The following CSMD1 variants were observed in gnomAD, a reference collection of about 807,000 sequenced individuals.
CSMD1 encodes CUB and Sushi multiple domains 1.
In CSMD1, 213 loss-of-function variants were observed where a neutral mutation model predicts 417.5. The ratio of observed to expected loss-of-function variants is 0.51; its 90% CI spans 0.46 to 0.57. CSMD1 has a LOEUF of 0.57. Ranked by LOEUF, CSMD1 falls within the 20% of genes least tolerant of loss-of-function variation. The pLI is 0.00. For synonymous variants in CSMD1, 2,862 were observed against 1,736.8 expected (o/e 1.65, Z -16.11); for missense variants, 6,923 against 4,529.7 (o/e 1.53, Z -15.17).
intron 5 of CSMD1, among the ~76,000 whole-genome samples, chr8:3,810,170 G>T (rs535860239): frequency 6.6e-6 from 1 of 152,278 alleles, no homozygotes; most frequent in Non-Finnish European, 1.5e-5. Context: ...CAGGCATATA[G>T]CAGGTGCTCC....
In CSMD1 at chr8:3,806,880, G is replaced by C. The variant is rs537442845; in HGVS notation, c.819-52838C>G. Among the ~76,000 whole-genome samples the C allele has an allele frequency of 3.7e-4, 57 of 152,250 alleles. 1 individual carries two copies. In the South Asian group the frequency reaches 0.011, roughly 28 times the overall value. On this transcript the variant is annotated intron_variant, in intron 5 of 69. Coordinates refer to ENST00000635120, the MANE Select transcript of CSMD1 (RefSeq NM_033225.6). ...GTAATCTAGTAACCAATTAACAGTA[G>C]TTAGAGACTTAATATAATTTAATCC...
intron 4 of CSMD1, among the ~76,000 whole-genome samples, chr8:4,018,533 G>A (rs1425924420): frequency 3.3e-5 from 5 of 152,064 alleles, no homozygotes; most frequent in Non-Finnish European, 7.3e-5. Context: ...CCTCTCTCTG[G>A]GACCAGCCAG....
At chr8:3,144,106 T>G (rs1179036853) in intron 40 of CSMD1, among the ~76,000 whole-genome samples, 2 of 152,210 alleles carry the variant, frequency 1.3e-5, no homozygotes, top group East Asian at 3.9e-4. Context: ...GGGGTCCGAT[T>G]TGCCAACCAA....
At chr8:3,713,080 C>T (rs6988921) in intron 6 of CSMD1, among the ~76,000 whole-genome samples, 50,016 of 151,818 alleles carry the variant, frequency 0.33, 8,370 homozygotes, top group East Asian at 0.5. Context: ...ATAAATATGA[C>T]GAATCTCTTT....
chr8:3,682,007 G>T (rs187132790), intron 7 of CSMD1, among the ~76,000 whole-genome samples: 3,847 of 152,232 alleles, frequency 0.025, 178 homozygotes, highest in African/African-American at 0.087. Context: ...GGTGAAACTG[G>T]ATCCCTTCCT....
chr8:4,261,889 T>C (rs569774016), intron 3 of CSMD1, among the ~76,000 whole-genome samples: 2 of 152,286 alleles, frequency 1.3e-5, no homozygotes, highest in African/African-American at 2.4e-5. Flanking sequence ...TGTTAAAAAG[T>C]AGATGTGGAA....
At position 4,013,857 on chromosome 8, in the gene CSMD1, G is replaced by A. The variant is rs1049077990; in HGVS notation, c.611-15747C>T. 4.0e-4 allele frequency among the ~76,000 whole-genome samples: 61 copies of A among 152,206 alleles called. 1 individual carries two copies. The highest frequency in any genetic ancestry group is 1.4e-3 in the African/African-American group (58 of 41,504). On this transcript the variant is annotated intron_variant, in intron 4 of 69. Coordinates refer to ENST00000635120, the MANE Select transcript of CSMD1 (RefSeq NM_033225.6). The stretch of plus-strand genomic sequence containing the variant: ...CTTTTGATCTACAGTGACAGACAAG[G>A]GTAGCTAAAACAGAGATCATATGAC...
At chr8:3,652,877 A>C (rs1311938331) in intron 7 of CSMD1, among the ~76,000 whole-genome samples, 1 of 152,232 alleles carries the variant, frequency 6.6e-6, no homozygotes, top group Non-Finnish European at 1.5e-5. Context: ...GCACACAGTC[A>C]GCACTCAATA....
At chr8:3,828,286 T>C (rs900469702) in intron 5 of CSMD1, among the ~76,000 whole-genome samples, 4 of 152,170 alleles carry the variant, frequency 2.6e-5, no homozygotes, top group Admixed American at 6.5e-5. Flanking sequence ...CCGAACATGC[T>C]TATTTTCAGT....
chr8:4,379,635 A>G (rs1802974575), intron 3 of CSMD1, among the ~76,000 whole-genome samples: 1 of 152,248 alleles, frequency 6.6e-6, no homozygotes, highest in Non-Finnish European at 1.5e-5. Context: ...TATTAACACC[A>G]AAATGAGTCT....
intron 3 of CSMD1, among the ~76,000 whole-genome samples, chr8:4,053,632 T>A (rs1439164754): frequency 6.6e-6 from 1 of 152,166 alleles, no homozygotes; most frequent in Non-Finnish European, 1.5e-5. Flanking sequence ...ATTTCATTTG[T>A]CTTGCATAGA....
At chr8:3,701,880 C>G (rs1342743330) in intron 7 of CSMD1, among the ~76,000 whole-genome samples, 1 of 152,220 alleles carries the variant, frequency 6.6e-6, no homozygotes, top group East Asian at 1.9e-4. Context: ...CACTGTGTGT[C>G]GTTATGAAGG....
chr8:4,776,517 A>T (rs988951999), intron 1 of CSMD1, among the ~76,000 whole-genome samples: 1 of 152,170 alleles, frequency 6.6e-6, no homozygotes, highest in Non-Finnish European at 1.5e-5. Context: ...TCAGGGCCCC[A>T]TAGGAATGGT....
intron 1 of CSMD1, among the ~76,000 whole-genome samples, chr8:4,672,757 A>T (rs1244777737): frequency 1.3e-5 from 2 of 151,990 alleles, no homozygotes; most frequent in Non-Finnish European, 2.9e-5. Flanking sequence ...TGACATACCC[A>T]GTCACATGCA....
Position 3,678,944 on chromosome 8 carries a change from A to G in CSMD1, c.1009+29470T>C, listed in dbSNP as rs144502525. On this transcript the variant is annotated intron_variant, in intron 7 of 69. Coordinates refer to ENST00000635120, the MANE Select transcript of CSMD1 (RefSeq NM_033225.6). The stretch of plus-strand genomic sequence containing the variant: ...TTCATATCCAGCCAAATTAAGCTTC[A>G]TAAGTGAAGAAATAAAATACTTCAC... Among the ~76,000 whole-genome samples, 125 of 152,310 alleles carry G rather than the reference A, an allele frequency of 8.2e-4. No individual in the cohort carries two copies. In the East Asian group the frequency reaches 9.3e-3, roughly 11 times the overall value.
At chr8:4,157,864 G>C (rs140052035) in intron 3 of CSMD1, among the ~76,000 whole-genome samples, 3 of 152,254 alleles carry the variant, frequency 2.0e-5, no homozygotes, top group Non-Finnish European at 2.9e-5. Context: ...CTGAAGTTGG[G>C]CTTGGTCCTA....
chr8:4,846,824 G>A (rs1053136186), intron 1 of CSMD1, among the ~76,000 whole-genome samples: 1 of 152,066 alleles, frequency 6.6e-6, no homozygotes, highest in Non-Finnish European at 1.5e-5. Context: ...ACTATATCTG[G>A]CATATATATG....
At chr8:3,726,060 AACAGCCAT>A (rs1416686662) in intron 6 of CSMD1, among the ~76,000 whole-genome samples, 1 of 152,140 alleles carries the variant, frequency 6.6e-6, no homozygotes, top group African/African-American at 2.4e-5. Flanking sequence ...TCAGGAAATC[AACAGCCAT>A]GCCATGAGGG....
intron 1 of CSMD1, among the ~76,000 whole-genome samples, chr8:4,660,617 T>C (rs73509086): frequency 2.6e-5 from 4 of 151,868 alleles, no homozygotes; most frequent in African/African-American, 9.7e-5. Context: ...ATAAAAAATA[T>C]TATAAATTAT....
Sources: gnomAD v4.1 joint callset for allele counts (sites outside exome capture counted in the v4.1 genomes callset) on GRCh38, gnomAD v4.1.1 for gene constraint, MANE v1.5 for transcripts, NCBI Gene and HGNC (gene_info 2026-07-23, HGNC 2026-07-21) for gene names.